The following FSHR variants were observed in gnomAD, a reference collection of about 807,000 sequenced individuals.
FSHR encodes follicle stimulating hormone receptor.
In FSHR, 46 loss-of-function variants were observed where a neutral mutation model predicts 52.1. The observed-to-expected ratio is 0.88, with a 90% CI of 0.70 to 1.13. FSHR has a LOEUF of 1.13. Among genes scored for constraint, FSHR ranks in the 50% most tolerant of loss-of-function variants. FSHR has a pLI of 0.00. For missense variants in FSHR, 964 were observed against 834.6 expected (o/e 1.16, Z -1.91); for synonymous variants, 399 against 309.6 (o/e 1.29, Z -3.03).
intron 2 of FSHR, among the ~76,000 whole-genome samples, chr2:49,058,236 T>A (rs1471301938): frequency 1.3e-5 from 2 of 152,156 alleles, no homozygotes; most frequent in Non-Finnish European, 2.9e-5. Flanking sequence ...TTGTCCCTGT[T>A]TTTAAATGAC....
At chr2:49,013,478 AT>A (rs1558389384) in intron 4 of FSHR, among the ~76,000 whole-genome samples, 19 of 122,766 alleles carry the variant, frequency 1.5e-4, no homozygotes, top group African/African-American at 5.3e-4. Context: ...ATATATATAT[AT>A]AAATAAATAT....
At chr2:49,143,406 G>A (rs1189019009) in intron 1 of FSHR, among the ~76,000 whole-genome samples, 2 of 152,278 alleles carry the variant, frequency 1.3e-5, no homozygotes, top group South Asian at 2.1e-4. Context: ...GTTGTAAAAT[G>A]TAATATAATC....
chr2:49,052,132 A>T (rs72827295), intron 2 of FSHR, among the ~76,000 whole-genome samples: 7,737 of 152,252 alleles, frequency 0.051, 424 homozygotes, highest in East Asian at 0.21. Context: ...ATATTAGCAA[A>T]TCAAAATTTG....
intron 2 of FSHR, among the ~76,000 whole-genome samples, chr2:49,035,815 A>G (rs1668251506): frequency 6.6e-6 from 1 of 152,236 alleles, no homozygotes; most frequent in East Asian, 1.9e-4. Flanking sequence ...TCCTTAAAGC[A>G]TGAGGAAGAT....
chr2:49,135,175 G>T (rs547239016), intron 1 of FSHR, among the ~76,000 whole-genome samples: 40 of 151,980 alleles, frequency 2.6e-4, no homozygotes, highest in Admixed American at 2.5e-3. Flanking sequence ...TTCTTCTTAA[G>T]TTCACATGGA....
At chr2:48,975,251 G>A (rs919017582) in intron 8 of FSHR, among the ~76,000 whole-genome samples, 2 of 152,056 alleles carry the variant, frequency 1.3e-5, no homozygotes, top group Non-Finnish European at 2.9e-5. Flanking sequence ...CAGAACTCCA[G>A]GTTCTCAGGC....
chr2:49,022,379 G>A (rs913446711), intron 2 of FSHR, among the ~76,000 whole-genome samples: 2 of 152,144 alleles, frequency 1.3e-5, no homozygotes, highest in Non-Finnish European at 2.9e-5. Context: ...TGTTAGGGTT[G>A]GGTAGGGGGA....
intron 2 of FSHR, among the ~76,000 whole-genome samples, chr2:49,044,164 T>C (rs1668575518): frequency 6.6e-6 from 1 of 152,210 alleles, no homozygotes; most frequent in African/African-American, 2.4e-5. Context: ...GATAGCTAGA[T>C]TGATAAAAAC....
intron 1 of FSHR, among the ~76,000 whole-genome samples, chr2:49,147,270 C>A (rs1315247055): frequency 6.6e-6 from 1 of 151,988 alleles, no homozygotes. Context: ...TCCTAGCTGA[C>A]CTTGTGGGCT....
chr2:49,061,763 ACTATATATAACT>A (rs1430752885), intron 2 of FSHR, among the ~76,000 whole-genome samples: 6 of 136,080 alleles, frequency 4.4e-5, no homozygotes, highest in South Asian at 4.6e-4. Flanking sequence ...TTTATATATA[ACTATATATAACT>A]CTATATATTC....
chr2:49,027,708 G>A (rs1667955809), intron 2 of FSHR, among the ~76,000 whole-genome samples: 1 of 152,156 alleles, frequency 6.6e-6, no homozygotes. Flanking sequence ...AAACTAGACA[G>A]GTTTGGTGGC....
Position 49,154,490 on chromosome 2 carries a change from C to CA in FSHR, c.-74dup. On this transcript the variant is annotated 5_prime_UTR_variant, in exon 1 of 10. Coordinates refer to ENST00000406846, the MANE Select transcript of FSHR (RefSeq NM_000145.4). ...ACCTCCACAGATCTCAGAAGCTCCA[C>CA]ACAGTGCCCTTATGAGAAGAGATCT... is the stretch of plus-strand genomic sequence containing the variant. The CA allele has an allele frequency of 2.0e-6, 3 of 1,501,118 alleles. No individual in the cohort carries two copies. Among genetic ancestry groups the CA allele is most frequent in the Non-Finnish European group, 2.8e-6 (3 of 1,081,774 alleles). 93.0% of individuals were successfully genotyped at this position (1,501,118 alleles called of 1,614,324 possible).
chr2:49,064,571 T>G (rs555795447), intron 2 of FSHR, among the ~76,000 whole-genome samples: 12 of 152,222 alleles, frequency 7.9e-5, no homozygotes, highest in African/African-American at 2.9e-4. Flanking sequence ...TTTCTGTTCC[T>G]TGTAAATTAT....
intron 2 of FSHR, among the ~76,000 whole-genome samples, chr2:49,047,737 A>C (rs2104295317): frequency 6.6e-6 from 1 of 152,350 alleles, no homozygotes; most frequent in East Asian, 1.9e-4. Context: ...TGTTATCCTT[A>C]CTGGGAAAGA....
At chr2:49,036,407 A>G (rs1366717476) in intron 2 of FSHR, among the ~76,000 whole-genome samples, 1 of 151,758 alleles carries the variant, frequency 6.6e-6, no homozygotes, top group Non-Finnish European at 1.5e-5. Flanking sequence ...AAATACCTAT[A>G]TCCTTATTTA....
chr2:49,042,363 T>C (rs1430791645), intron 2 of FSHR, among the ~76,000 whole-genome samples: 1 of 152,098 alleles, frequency 6.6e-6, no homozygotes, highest in African/African-American at 2.4e-5. Context: ...GAGAAGATTT[T>C]TGCATGCTAA....
intron 1 of FSHR, among the ~76,000 whole-genome samples, chr2:49,152,138 G>A (rs1402382468): frequency 1.3e-5 from 2 of 152,080 alleles, no homozygotes; most frequent in African/African-American, 4.8e-5. Context: ...CTTAGGTGGA[G>A]GAAAATCCTA....
intron 2 of FSHR, among the ~76,000 whole-genome samples, chr2:49,033,154 G>A (rs1036816315): frequency 2.0e-5 from 3 of 152,158 alleles, no homozygotes; most frequent in Non-Finnish European, 4.4e-5. Flanking sequence ...GACTGCAATT[G>A]CTGACAATCA....
At chr2:49,013,414 T>C (rs971088405) in intron 4 of FSHR, among the ~76,000 whole-genome samples, 12 of 144,566 alleles carry the variant, frequency 8.3e-5, no homozygotes, top group African/African-American at 2.8e-4. Context: ...TCTTAGCAGT[T>C]TGGAAAATAT....
Sources: gnomAD v4.1 joint callset for allele counts (sites outside exome capture counted in the v4.1 genomes callset) on GRCh38, gnomAD v4.1.1 for gene constraint, MANE v1.5 for transcripts, NCBI Gene and HGNC (gene_info 2026-07-23, HGNC 2026-07-21) for gene names.